COL26A1: variants seen among roughly 807,000 people sequenced by gnomAD.
COL26A1 encodes collagen type XXVI alpha 1 chain, also known as collagen alpha-1(XXVI) chain.
In COL26A1, 41 loss-of-function variants were observed where a neutral mutation model predicts 59.3. The ratio of observed to expected loss-of-function variants is 0.69; its 90% CI spans 0.54 to 0.90. The LOEUF (loss-of-function observed/expected upper bound fraction) is 0.90, where lower values mean the gene tolerates loss of function less well. COL26A1 is among the 40% of genes least tolerant of loss of function. COL26A1 has a pLI of 0.00. For missense variants in COL26A1, 612 were observed against 602.3 expected, an observed-to-expected ratio of 1.02 and a Z score of -0.17; for synonymous variants, 266 against 256.0, an observed-to-expected ratio of 1.04 and a Z score of -0.37.
At chr7:101,523,029 T>C (rs1343605879) in intron 3 of COL26A1, among the ~76,000 whole-genome samples, 9 of 152,164 alleles carry the variant, frequency 5.9e-5, no homozygotes, top group Non-Finnish European at 1.5e-5. Flanking sequence ...GATATACTTC[T>C]TCATTCATTC....
In COL26A1 at chr7:101,447,763, T is replaced by G. The variant is rs749476634; in HGVS notation, c.361T>G (p.Phe121Val). The G allele has an allele frequency of 6.2e-7, 1 of 1,603,960 alleles. No individual in the cohort carries two copies. Among genetic ancestry groups the G allele is most frequent in the Non-Finnish European group, 8.5e-7 (1 of 1,175,378 alleles). The change falls in exon 3 of 13, where the codon TTC becomes GTC. Residue 121 changes from phenylalanine (F) to valine (V), a missense_variant. Transcript: ENST00000313669. The part of the protein sequence containing the change: ...TVLEWRCCPG[F>V]TGSNCDEECM... ...GCTGGAGTGGAGATGCTGCCCTGGCTTCACCGGGAGCAACTGTGATGAGGG... is the reference window on the plus strand; with the variant it reads ...GCTGGAGTGGAGATGCTGCCCTGGCGTCACCGGGAGCAACTGTGATGAGGG...
At chr7:101,407,057 C>T (rs1311585234) in intron 1 of COL26A1, among the ~76,000 whole-genome samples, 2 of 152,332 alleles carry the variant, frequency 1.3e-5, no homozygotes, top group East Asian at 3.9e-4. Flanking sequence ...TCTCCACCTT[C>T]CACCCCCATC....
At position 101,388,717 on chromosome 7, in the gene COL26A1, T is replaced by G. The variant is rs574858643; in HGVS notation, c.158+25527T>G. Among the ~76,000 whole-genome samples the G allele has an allele frequency of 4.6e-5, 7 of 152,010 alleles. No homozygotes were observed. The South Asian group carries it at 1.5e-3, about 32-fold the overall frequency. The stretch of plus-strand genomic sequence containing the variant: ...TAGCTGGGACTAGGGGCACAGCCAC[T>G]GTGCCCGGCTAAGTTTTTTTTTGTA... On this transcript the variant is annotated intron_variant, in intron 1 of 12. Transcript: ENST00000313669.
intron 3 of COL26A1, 59 bp downstream of exon 3, chr7:101,447,846 C>A (rs747656710): frequency 1.9e-6 from 2 of 1,062,618 alleles, no homozygotes; most frequent in Admixed American, 2.0e-5. Flanking sequence ...TGGAGTTTCT[C>A]CCTTCTCTGG....
At chr7:101,466,410 C>T (rs2130445800) in intron 3 of COL26A1, among the ~76,000 whole-genome samples, 1 of 152,144 alleles carries the variant, frequency 6.6e-6, no homozygotes, top group South Asian at 2.1e-4. Flanking sequence ...GTTAGAAACC[C>T]ACATTGATTA....
intron 2 of COL26A1, among the ~76,000 whole-genome samples, chr7:101,435,863 C>T (rs1792902226): frequency 6.6e-6 from 1 of 152,232 alleles, no homozygotes; most frequent in Non-Finnish European, 1.5e-5. Flanking sequence ...TCCGGGGCTT[C>T]ATCTGCCTCC....
intron 1 of COL26A1, among the ~76,000 whole-genome samples, chr7:101,374,104 T>A (rs927294192): frequency 6.6e-6 from 1 of 152,164 alleles, no homozygotes; most frequent in African/African-American, 2.4e-5. Flanking sequence ...TACGGAAACA[T>A]ACACATGCCG....
intron 1 of COL26A1, among the ~76,000 whole-genome samples, chr7:101,401,837 A>AT (rs1268018276): frequency 2.6e-5 from 4 of 152,076 alleles, no homozygotes; most frequent in Non-Finnish European, 5.9e-5. Flanking sequence ...ACTGGGCCCC[A>AT]ACCCAGGACA....
intron 2 of COL26A1, among the ~76,000 whole-genome samples, chr7:101,423,655 A>C (rs1792577075): frequency 6.6e-6 from 1 of 151,994 alleles, no homozygotes; most frequent in South Asian, 2.1e-4. Context: ...GAATTGCTTG[A>C]ACCTGGCAGG....
chr7:101,487,511 G>C (rs529257687), intron 3 of COL26A1, among the ~76,000 whole-genome samples: 183 of 152,072 alleles, frequency 1.2e-3, no homozygotes, highest in African/African-American at 4.3e-3. Flanking sequence ...TGCCCTCCCT[G>C]CCATCTTGGC....
At chr7:101,413,285 A>G (rs781056195) in intron 1 of COL26A1, among the ~76,000 whole-genome samples, 1 of 152,106 alleles carries the variant, frequency 6.6e-6, no homozygotes, top group Non-Finnish European at 1.5e-5. Flanking sequence ...TTGGGAGGCT[A>G]AGGCAGGTAG....
intron 3 of COL26A1, among the ~76,000 whole-genome samples, chr7:101,520,662 A>ACACACACACACACACC (rs915256077): frequency 1.1e-3 from 154 of 143,346 alleles, no homozygotes; most frequent in African/African-American, 2.3e-3. Context: ...ACACACACAC[A>ACACACACACACACACC]CCCCCGTGTT....
At chr7:101,525,711 T>C (rs1024284671) in intron 3 of COL26A1, among the ~76,000 whole-genome samples, 2 of 152,034 alleles carry the variant, frequency 1.3e-5, no homozygotes, top group Admixed American at 6.6e-5. Context: ...TTAGCCAGGA[T>C]GGTCTCGATC....
intron 3 of COL26A1, among the ~76,000 whole-genome samples, chr7:101,515,735 T>C (rs1241764976): frequency 6.6e-6 from 1 of 152,082 alleles, no homozygotes; most frequent in African/African-American, 2.4e-5. Flanking sequence ...ATTACAGGTG[T>C]GTGCCACCAC....
At chr7:101,549,722 T>C (rs1357880644) in intron 9 of COL26A1, among the ~76,000 whole-genome samples, 1 of 152,144 alleles carries the variant, frequency 6.6e-6, no homozygotes, top group Non-Finnish European at 1.5e-5. Context: ...CTTTGCTGAG[T>C]ATATCCTCCT....
chr7:101,463,869 T>TTTAC (rs767308668), intron 3 of COL26A1, among the ~76,000 whole-genome samples: 11 of 91,732 alleles, frequency 1.2e-4, no homozygotes, highest in African/African-American at 6.5e-4. Context: ...CTCTTTTTTC[T>TTTAC]TTTCTTTCTT....
At chr7:101,362,729 T>G, upstream of COL26A1, 1 of 437,656 alleles carries the variant, frequency 2.3e-6, no homozygotes. Flanking sequence ...AGGGACCTCC[T>G]GCGGAGCTCG....
At chr7:101,420,175 G>C in intron 2 of COL26A1, 76 bp downstream of exon 2, 1 of 1,559,104 alleles carries the variant, frequency 6.4e-7, no homozygotes, top group Admixed American at 1.7e-5. Context: ...GGATGGCTCT[G>C]GGAGAGGCTG....
chr7:101,545,502 C>G lies in COL26A1; in HGVS notation c.856+12C>G, dbSNP rs771490388. ...TACAGACAAAGACAGTGAGTAATGC[C>G]CCTGGGGGGCCAAGGGAGGGCTGAG... On this transcript the variant is annotated intron_variant, in intron 7 of 12. Coordinates refer to ENST00000313669, the MANE Select transcript of COL26A1 (RefSeq NM_001278563.3). The G allele has an allele frequency of 6.3e-7, 1 of 1,593,516 alleles. No homozygotes were observed. Among genetic ancestry groups the G allele is most frequent in the Non-Finnish European group, 8.5e-7 (1 of 1,173,274 alleles).
Sources: gnomAD v4.1 joint callset for allele counts (sites outside exome capture counted in the v4.1 genomes callset) on GRCh38, gnomAD v4.1.1 for gene constraint, MANE v1.5 for transcripts, NCBI Gene and HGNC (gene_info 2026-07-23, HGNC 2026-07-21) for gene names.